Variants in GALNT10 observed in about 807,000 individuals in gnomAD.
The protein encoded by GALNT10 is GalNAc transferase 10.
A neutral mutation model predicts 75.0 loss-of-function variants in GALNT10; 41 were observed. The observed-to-expected ratio is 0.55, with a 90% confidence interval of 0.43 to 0.71. The LOEUF (loss-of-function observed/expected upper bound fraction) is 0.71. GALNT10 is among the 30% of genes least tolerant of loss of function. The pLI, the probability that GALNT10 is intolerant of heterozygous loss-of-function variation, is 0.00. For missense variants in GALNT10, 727 were observed against 818.5 expected (o/e 0.89, Z 1.36); for synonymous variants, 302 against 313.0 (o/e 0.96, Z 0.37).
intron 6 of GALNT10, among the ~76,000 whole-genome samples, chr5:154,386,109 G>A (rs1755802032): frequency 6.6e-6 from 1 of 152,172 alleles, no homozygotes; most frequent in African/African-American, 2.4e-5. Flanking sequence ...GGTCCCATTT[G>A]GTTAAAATGT....
intron 1 of GALNT10, among the ~76,000 whole-genome samples, chr5:154,192,068 C>G (rs191668500): frequency 3.3e-5 from 5 of 152,342 alleles, no homozygotes; most frequent in African/African-American, 9.6e-5. Flanking sequence ...CGGGATTTCT[C>G]TGGTCCCATG....
Position 154,293,514 on chromosome 5 carries a change from G to A in GALNT10, c.160-1302G>A, listed in dbSNP as rs536107384. Among the ~76,000 whole-genome samples the A allele has an allele frequency of 2.8e-4, 43 of 151,752 alleles. 2 individuals are homozygous for A. The East Asian group carries it at 7.7e-3, about 27-fold the overall frequency. On this transcript the variant is annotated intron_variant, in intron 1 of 11. Coordinates refer to ENST00000297107, the MANE Select transcript of GALNT10 (RefSeq NM_198321.4). ...TTAGGGAAACTGCTTCCTAATGGGC[G>A]CATGAGGGTGGGCTCACCTCCCCAG...
chr5:154,301,180 A>AT (rs200232634), intron 3 of GALNT10, among the ~76,000 whole-genome samples: 2 of 152,202 alleles, frequency 1.3e-5, no homozygotes, highest in Admixed American at 1.3e-4. Context: ...AAAACGTTGA[A>AT]TTTTTTAAAA....
intron 7 of GALNT10, chr5:154,392,708 A>T (rs10079389): frequency 0.49 from 74,283 of 151,962 alleles, 18,397 homozygotes; most frequent in East Asian, 0.63. Flanking sequence ...CATGGTTAGG[A>T]TATCTCCAAC....
At chr5:154,343,611 C>A (rs1755067901) in intron 4 of GALNT10, among the ~76,000 whole-genome samples, 1 of 152,164 alleles carries the variant, frequency 6.6e-6, no homozygotes, top group Non-Finnish European at 1.5e-5. Flanking sequence ...CCTGAAATGT[C>A]CAATAAAAAA....
intron 1 of GALNT10, among the ~76,000 whole-genome samples, chr5:154,278,323 T>C (rs1369289111): frequency 6.6e-6 from 1 of 152,158 alleles, no homozygotes; most frequent in Non-Finnish European, 1.5e-5. Context: ...CATTGTCTAG[T>C]GGGTGGGGGT....
chr5:154,326,081 A>T (rs548453843), intron 3 of GALNT10, among the ~76,000 whole-genome samples: 6 of 152,296 alleles, frequency 3.9e-5, no homozygotes, highest in Admixed American at 1.3e-4. Context: ...AGCAAAAAAA[A>T]AAACCTGAAA....
intron 7 of GALNT10, among the ~76,000 whole-genome samples, chr5:154,390,901 A>G (rs536479416): frequency 3.0e-4 from 46 of 152,346 alleles, no homozygotes; most frequent in African/African-American, 1.1e-3. Flanking sequence ...TATTGGAAGT[A>G]TCTCATCCGG....
At chr5:154,384,177 C>T (rs1256529791) in intron 6 of GALNT10, among the ~76,000 whole-genome samples, 3 of 152,116 alleles carry the variant, frequency 2.0e-5, no homozygotes, top group Admixed American at 6.5e-5. Flanking sequence ...CTGGGGATTA[C>T]GGTAACTACA....
Position 154,272,524 on chromosome 5 carries a change from G to A in GALNT10, c.160-22292G>A, listed in dbSNP as rs1309859220. Among the ~76,000 whole-genome samples, 3 of 152,280 alleles carry A rather than the reference G, an allele frequency of 2.0e-5. No individual in the cohort carries two copies. In the East Asian group the frequency reaches 5.8e-4, roughly 29 times the overall value. ...TGTTTTGTCCCTCCAGGAACACCACGTGGGCAGTGTAATGGAGTATAGTGG... is the reference window on the plus strand; with the variant it reads ...TGTTTTGTCCCTCCAGGAACACCACATGGGCAGTGTAATGGAGTATAGTGG... On this transcript the variant is annotated intron_variant, in intron 1 of 11. Transcript: ENST00000297107.
At chr5:154,239,092 C>A (rs150296102) in intron 1 of GALNT10, among the ~76,000 whole-genome samples, 160 of 152,300 alleles carry the variant, frequency 1.1e-3, no homozygotes, top group African/African-American at 3.8e-3. Flanking sequence ...CAGTGCCTTC[C>A]CAGCCTCACT....
intron 3 of GALNT10, among the ~76,000 whole-genome samples, chr5:154,308,768 A>C (rs1484310303): frequency 6.6e-6 from 1 of 152,216 alleles, no homozygotes; most frequent in Admixed American, 6.5e-5. Flanking sequence ...TGCTAAAATG[A>C]TCAAGAGATA....
Position 154,301,569 on chromosome 5 carries a change from T to G in GALNT10, c.401+3490T>G, listed in dbSNP as rs967363057. Among the ~76,000 whole-genome samples the G allele has an allele frequency of 3.7e-4, 56 of 151,254 alleles. 1 individual carries two copies. The highest frequency in any genetic ancestry group is 1.8e-4 in the Non-Finnish European group (12 of 67,776). On this transcript the variant is annotated intron_variant, in intron 3 of 11. Coordinates refer to ENST00000297107, the MANE Select transcript of GALNT10 (RefSeq NM_198321.4). ...GTTGCTTCTTGTTTTTTTGTTTTTT[T>G]TTTTTTTTGAGACAGGGTCTTGCTA...
In GALNT10 at chr5:154,332,783, G is replaced by A. The variant is rs562796480; in HGVS notation, c.568+3045G>A. Among the ~76,000 whole-genome samples, 19 of 152,294 alleles carry A rather than the reference G, an allele frequency of 1.2e-4. No homozygotes were observed. The South Asian group carries it at 3.5e-3, about 28-fold the overall frequency. ...CACTGCAGTTCTTGCAGTGACTGGT[G>A]CTGGCCCGCATCTGTGTTTTCAGGC... On this transcript the variant is annotated intron_variant, in intron 4 of 11. Transcript: ENST00000297107.
chr5:154,322,953 G>A (rs956325492), intron 3 of GALNT10, among the ~76,000 whole-genome samples: 8 of 152,338 alleles, frequency 5.3e-5, no homozygotes, highest in Non-Finnish European at 8.8e-5. Context: ...ATCACTGTGT[G>A]CCTGATACTG....
At chr5:154,263,154 C>T (rs1753725956) in intron 1 of GALNT10, among the ~76,000 whole-genome samples, 1 of 151,962 alleles carries the variant, frequency 6.6e-6, no homozygotes, top group African/African-American at 2.4e-5. Flanking sequence ...AGGTATATAC[C>T]CAAGAGAAAT....
intron 1 of GALNT10, among the ~76,000 whole-genome samples, chr5:154,233,432 A>G (rs1753196010): frequency 1.3e-5 from 2 of 152,210 alleles, no homozygotes; most frequent in Admixed American, 6.5e-5. Flanking sequence ...AACTCAGCAA[A>G]AAGAAAATGG....
chr5:154,323,216 C>G (rs1186370373), intron 3 of GALNT10, among the ~76,000 whole-genome samples: 4 of 152,044 alleles, frequency 2.6e-5, no homozygotes, highest in Non-Finnish European at 5.9e-5. Context: ...TGTTAAAACT[C>G]TAAAAGTTAG....
chr5:154,195,623 G>A (rs932033824), intron 1 of GALNT10, among the ~76,000 whole-genome samples: 9 of 152,080 alleles, frequency 5.9e-5, no homozygotes, highest in African/African-American at 1.5e-4. Context: ...CAATTTGTAG[G>A]TATGAAAACT....
Sources: allele counts gnomAD v4.1 joint callset (sites outside exome capture counted in the v4.1 genomes callset), GRCh38; gene constraint gnomAD v4.1.1; transcripts MANE v1.5; gene names NCBI Gene and HGNC (gene_info 2026-07-23, HGNC 2026-07-21).